ENKUR: variants seen among roughly 807,000 people sequenced by gnomAD.
ENKUR encodes the protein enkurin.
In ENKUR, 19 loss-of-function variants were observed where a neutral mutation model predicts 27.6. The ratio of observed to expected loss-of-function variants is 0.69; its 90% CI spans 0.48 to 1.01. ENKUR has a LOEUF of 1.01. ENKUR is among the 50% of genes least tolerant of loss of function. The probability of loss-of-function intolerance (pLI) is 0.00; values close to 1 mark genes in which losing one functional copy is unlikely to be tolerated. For synonymous variants in ENKUR, 117 were observed against 96.9 expected, an observed-to-expected ratio of 1.21 and a Z score of -1.22; for missense variants, 312 against 310.5, an observed-to-expected ratio of 1.00 and a Z score of -0.04.
intron 1 of ENKUR, among the ~76,000 whole-genome samples, chr10:25,009,474 G>T (rs1434075338): frequency 6.6e-6 from 1 of 152,206 alleles, no homozygotes; most frequent in African/African-American, 2.4e-5. Context: ...GCATGTTGAT[G>T]TTAGCAGAGA....
chr10:25,023,413 C>G, intron 2 of ENKUR: 1 of 1,614,100 alleles, frequency 6.2e-7, no homozygotes, highest in Non-Finnish European at 8.5e-7. Context: ...GATGGGACCT[C>G]CTGGTGCTGG....
At chr10:25,061,259 G>T in exon 2 of ENKUR, 1 of 891,578 alleles carries the variant, frequency 1.1e-6, no homozygotes, top group South Asian at 1.5e-5. Context: ...GATGCTGCCA[G>T]ACACATCCAG....
At chr10:25,014,890 C>T (rs753863249) in intron 1 of ENKUR, among the ~76,000 whole-genome samples, 12 of 152,100 alleles carry the variant, frequency 7.9e-5, no homozygotes, top group Non-Finnish European at 1.6e-4. Context: ...AATAATTGAC[C>T]ATTAGATCTA....
upstream of ENKUR, among the ~76,000 whole-genome samples, chr10:25,019,898 T>A (rs573190178): frequency 4.5e-4 from 69 of 152,296 alleles, no homozygotes; most frequent in African/African-American, 1.6e-3. Flanking sequence ...ATTAAAAAAA[T>A]TTTAAATGAA....
chr10:25,025,344 T>C, intron 2 of ENKUR: 1 of 1,614,204 alleles, frequency 6.2e-7, no homozygotes, highest in Non-Finnish European at 8.5e-7. Flanking sequence ...TGCATGAGGC[T>C]TTATTAGAGA....
chr10:25,045,672 C>A (rs1851114270), intron 2 of ENKUR, among the ~76,000 whole-genome samples: 1 of 152,100 alleles, frequency 6.6e-6, no homozygotes, highest in African/African-American at 2.4e-5. Context: ...AATCCCACTT[C>A]TCTTCTGCTT....
At chr10:25,040,883 C>G (rs1851056815) in intron 2 of ENKUR, among the ~76,000 whole-genome samples, 1 of 152,192 alleles carries the variant, frequency 6.6e-6, no homozygotes, top group African/African-American at 2.4e-5. Context: ...AATTCAGAAA[C>G]ATACATAAGT....
intron 2 of ENKUR, among the ~76,000 whole-genome samples, chr10:25,031,186 T>C (rs1294703672): frequency 6.6e-6 from 1 of 152,206 alleles, no homozygotes; most frequent in Non-Finnish European, 1.5e-5. Flanking sequence ...GTGCATGCTA[T>C]TCCTCACATC....
intron 2 of ENKUR, among the ~76,000 whole-genome samples, chr10:25,050,673 T>C (rs1445220539): frequency 6.6e-6 from 1 of 152,128 alleles, no homozygotes; most frequent in Non-Finnish European, 1.5e-5. Flanking sequence ...CATGTTATTG[T>C]AATGACAAGG....
chr10:25,059,132 CTTTT>C (rs759162602), intron 2 of ENKUR, among the ~76,000 whole-genome samples: 1 of 120,542 alleles, frequency 8.3e-6, no homozygotes. Context: ...CTTTTTCTTT[CTTTT>C]TTTTTTTTTT....
intron 4 of ENKUR, 139 bp from the exon 5 acceptor site, chr10:24,985,044 C>G: frequency 1.3e-6 from 1 of 744,406 alleles, no homozygotes; most frequent in Non-Finnish European, 2.2e-6. Flanking sequence ...ATGTATTTAT[C>G]AAGTACTTGG....
chr10:25,061,308 G>C (rs150567171), exon 2 of ENKUR: 1 of 652,562 alleles, frequency 1.5e-6, no homozygotes, highest in African/African-American at 1.8e-5. Context: ...TTCTTGTGCC[G>C]CTCCTCCAGC....
upstream of ENKUR, among the ~76,000 whole-genome samples, chr10:25,018,241 A>T (rs920423324): frequency 2.6e-5 from 4 of 152,206 alleles, no homozygotes; most frequent in African/African-American, 7.2e-5. Context: ...TTGATCTGCA[A>T]TTCTCCTTGC....
chr10:25,023,714 G>T (rs750985721), intron 2 of ENKUR: 20 of 1,613,746 alleles, frequency 1.2e-5, no homozygotes, highest in Non-Finnish European at 1.4e-5. Flanking sequence ...CTAATTTGTC[G>T]TCTAAAATTA....
chr10:25,052,888 G>A (rs1851202463), intron 2 of ENKUR, among the ~76,000 whole-genome samples: 3 of 151,900 alleles, frequency 2.0e-5, no homozygotes, highest in Admixed American at 2.0e-4. Context: ...TCCTGCCTCA[G>A]CCTCCCGAGT....
chr10:25,018,030 C>T (rs1347128901), upstream of ENKUR, among the ~76,000 whole-genome samples: 3 of 152,142 alleles, frequency 2.0e-5, no homozygotes, highest in Admixed American at 6.5e-5. Flanking sequence ...ATGATTTCTG[C>T]AGTTAGCACC....
chr10:25,039,938 A>G, intron 2 of ENKUR, among the ~76,000 whole-genome samples: 1 of 36,456 alleles, frequency 2.7e-5, no homozygotes, highest in Admixed American at 3.0e-4. Context: ...TTAAAGTATT[A>G]AAAAAAAAAA....
intron 2 of ENKUR, 48 bp downstream of exon 2, chr10:24,999,353 C>T (rs1850138167): frequency 6.5e-7 from 1 of 1,532,450 alleles, no homozygotes; most frequent in South Asian, 1.2e-5. Flanking sequence ...ATAGTTAAAT[C>T]ACCTGCTAAT....
In ENKUR at chr10:24,995,882, A is replaced by T. The variant is rs776917798; in HGVS notation, c.224-13T>A. 6.3e-7 allele frequency: 1 copy of T among 1,589,118 alleles called. No individual in the cohort carries two copies. Among genetic ancestry groups the T allele is most frequent in the African/African-American group, 1.4e-5 (1 of 73,410 alleles). On this transcript the variant is annotated splice_polypyrimidine_tract_variant and intron_variant, in intron 2 of 5. Transcript: ENST00000331161. The stretch of plus-strand genomic sequence containing the variant: ...TCAAAGTTTTTTTCTGTTAAATATA[A>T]CATTTCTTTGTTAATATTAAACTAC...
Sources: gnomAD v4.1 joint callset for allele counts (sites outside exome capture counted in the v4.1 genomes callset) on GRCh38, gnomAD v4.1.1 for gene constraint, MANE v1.5 for transcripts, NCBI Gene and HGNC (gene_info 2026-07-23, HGNC 2026-07-21) for gene names.